Variants in BBOX1 observed in about 807,000 individuals in gnomAD.
BBOX1 encodes gamma-butyrobetaine hydroxylase 1.
In BBOX1, 35 loss-of-function variants were observed where a neutral mutation model predicts 41.6. The observed-to-expected ratio is 0.84, with a 90% CI of 0.64 to 1.11. The LOEUF (loss-of-function observed/expected upper bound fraction) is 1.11, where lower values mean the gene tolerates loss of function less well. Among genes scored for constraint, BBOX1 ranks in the 50% most tolerant of loss-of-function variants. The probability of loss-of-function intolerance (pLI) is 0.00; values close to 1 mark genes in which losing one functional copy is unlikely to be tolerated. For missense variants in BBOX1, 458 were observed against 460.6 expected, an observed-to-expected ratio of 0.99 and a Z score of 0.05; for synonymous variants, 163 against 154.7, an observed-to-expected ratio of 1.05 and a Z score of -0.40.
intron 7 of BBOX1, among the ~76,000 whole-genome samples, chr11:27,123,584 GC>G (rs1859543305): frequency 6.6e-6 from 1 of 152,122 alleles, no homozygotes; most frequent in Non-Finnish European, 1.5e-5. Flanking sequence ...TGGGTCAGAA[GC>G]AGTAGGGCTA....
chr11:27,093,472 C>G (rs750906381), intron 5 of BBOX1, 106 bp downstream of exon 5: 25 of 1,162,414 alleles, frequency 2.2e-5, no homozygotes, highest in Non-Finnish European at 2.9e-5. Context: ...CTCATAATGT[C>G]TTGAGTAGGA....
intron 6 of BBOX1, 67 bp from the exon 7 acceptor site, chr11:27,119,582 A>C (rs1590228042): frequency 1.1e-6 from 1 of 893,990 alleles, no homozygotes; most frequent in Non-Finnish European, 1.5e-6. Context: ...TATTTTATTG[A>C]AGATTAATTC....
At chr11:27,097,240 C>A (rs1436060856) in intron 5 of BBOX1, among the ~76,000 whole-genome samples, 1 of 151,854 alleles carries the variant, frequency 6.6e-6, no homozygotes, top group East Asian at 1.9e-4. Context: ...AAAAGAAAAT[C>A]AATGAAAATA....
intron 4 of BBOX1, among the ~76,000 whole-genome samples, chr11:27,079,000 T>A (rs867546987): frequency 6.6e-6 from 1 of 152,170 alleles, no homozygotes; most frequent in Non-Finnish European, 1.5e-5. Context: ...CTCCCCTTTT[T>A]CTTCTAGTTA....
chr11:27,077,372 T>C (rs79964605), intron 4 of BBOX1, among the ~76,000 whole-genome samples: 2,117 of 152,260 alleles, frequency 0.014, 30 homozygotes, highest in Non-Finnish European at 0.021. Flanking sequence ...GGTTCCCCAG[T>C]GGAAGGGTAT....
At chr11:27,116,427 C>A (rs548721394) in intron 6 of BBOX1, among the ~76,000 whole-genome samples, 1 of 151,356 alleles carries the variant, frequency 6.6e-6, no homozygotes, top group Non-Finnish European at 1.5e-5. Context: ...ATATATGTAA[C>A]AAACCTGCAC....
chr11:27,096,415 A>G (rs914513785), intron 5 of BBOX1, among the ~76,000 whole-genome samples: 1 of 152,016 alleles, frequency 6.6e-6, no homozygotes, highest in African/African-American at 2.4e-5. Flanking sequence ...AAACAATAGA[A>G]GAGGGGTAGA....
intron 1 of BBOX1, 41 bp downstream of exon 1, chr11:27,041,069 T>C (rs1176848832): frequency 6.6e-6 from 1 of 152,124 alleles, no homozygotes; most frequent in Non-Finnish European, 1.5e-5. Context: ...GATTCCAAAC[T>C]GAGGCAATGC....
At chr11:27,070,522 CT>C (rs1278012202) in intron 4 of BBOX1, among the ~76,000 whole-genome samples, 4 of 151,930 alleles carry the variant, frequency 2.6e-5, no homozygotes, top group Admixed American at 6.6e-5. Context: ...GACCCTCTTT[CT>C]TTTTTGTTTT....
chr11:27,108,864 A>C (rs1858955424), intron 5 of BBOX1, among the ~76,000 whole-genome samples: 1 of 152,026 alleles, frequency 6.6e-6, no homozygotes, highest in Non-Finnish European at 1.5e-5. Flanking sequence ...GAGATTATAG[A>C]TTGTATTTCC....
At chr11:27,095,928 G>A (rs1229575856) in intron 5 of BBOX1, among the ~76,000 whole-genome samples, 1 of 151,958 alleles carries the variant, frequency 6.6e-6, no homozygotes, top group Non-Finnish European at 1.5e-5. Flanking sequence ...AACCTAAGCT[G>A]CTTATTGGAA....
At chr11:27,116,367 G>A (rs569329026) in intron 6 of BBOX1, among the ~76,000 whole-genome samples, 54 of 151,524 alleles carry the variant, frequency 3.6e-4, no homozygotes, top group Non-Finnish European at 7.7e-4. Flanking sequence ...AGAAATACCT[G>A]ATGTAGATCA....
rs374941878 is a variant in BBOX1, at chr11:27,059,021, G to C, written c.334+1706G>C. Among the ~76,000 whole-genome samples the C allele has an allele frequency of 8.5e-5, 13 of 152,280 alleles. No homozygotes were observed. The East Asian group carries it at 2.5e-3, about 29-fold the overall frequency. On this transcript the variant is annotated intron_variant, in intron 4 of 8. Transcript: ENST00000263182. ...CTAATAGCCAAGACAACAAGAAAAA[G>C]CCTTCGAAGGCATTTCATAGACCTG...
At chr11:27,120,337 T>C (rs1859419743) in intron 7 of BBOX1, among the ~76,000 whole-genome samples, 1 of 152,134 alleles carries the variant, frequency 6.6e-6, no homozygotes, top group African/African-American at 2.4e-5. Context: ...ATGCTTTTAC[T>C]TCCCAATAAA....
chr11:27,075,482 A>G (rs999957974), intron 4 of BBOX1, among the ~76,000 whole-genome samples: 3 of 152,122 alleles, frequency 2.0e-5, no homozygotes, highest in Non-Finnish European at 2.9e-5. Flanking sequence ...TCATCGGCAG[A>G]GGTCCCAATC....
At chr11:27,116,224 G>GA (rs889698465) in intron 6 of BBOX1, among the ~76,000 whole-genome samples, 1 of 151,862 alleles carries the variant, frequency 6.6e-6, no homozygotes, top group Non-Finnish European at 1.5e-5. Flanking sequence ...CACAGGAACA[G>GA]AAAATCAAAC....
At chr11:27,105,377 C>A (rs990717259) in intron 5 of BBOX1, among the ~76,000 whole-genome samples, 43 of 152,178 alleles carry the variant, frequency 2.8e-4, no homozygotes, top group African/African-American at 9.4e-4. Flanking sequence ...ACTAGAATAA[C>A]CACTGTAGGG....
intron 2 of BBOX1, among the ~76,000 whole-genome samples, chr11:27,054,203 GTC>G (rs1208667735): frequency 2.3e-4 from 22 of 93,728 alleles, no homozygotes; most frequent in East Asian, 1.0e-3. Flanking sequence ...GTGTGTGTGT[GTC>G]TGTGTGTGTG....
intron 2 of BBOX1, among the ~76,000 whole-genome samples, chr11:27,049,762 C>T (rs1260833696): frequency 6.6e-6 from 1 of 152,016 alleles, no homozygotes; most frequent in Non-Finnish European, 1.5e-5. Flanking sequence ...ACATAGATGG[C>T]CCTCAGATGT....
Sources: allele counts gnomAD v4.1 joint callset (sites outside exome capture counted in the v4.1 genomes callset), GRCh38; gene constraint gnomAD v4.1.1; transcripts MANE v1.5; gene names NCBI Gene and HGNC (gene_info 2026-07-23, HGNC 2026-07-21).